The following TBC1D30 variants were observed in gnomAD, a reference collection of about 807,000 sequenced individuals.
TBC1D30 encodes TBC1 domain family, member 30.
A neutral mutation model predicts 63.2 loss-of-function variants in TBC1D30; 31 were observed. The ratio of observed to expected loss-of-function variants is 0.49; its 90% confidence interval spans 0.37 to 0.66. TBC1D30 has a LOEUF of 0.66. Ranked by LOEUF, TBC1D30 falls within the 30% of genes least tolerant of loss-of-function variation. The pLI, the probability that TBC1D30 is intolerant of heterozygous loss-of-function variation, is 0.00. For synonymous variants in TBC1D30, 307 were observed against 361.5 expected (o/e 0.85, Z 1.71); for missense variants, 810 against 953.6 (o/e 0.85, Z 1.98).
intron 9 of TBC1D30, among the ~76,000 whole-genome samples, chr12:64,866,012 G>A (rs1878182601): frequency 6.6e-6 from 1 of 152,078 alleles, no homozygotes; most frequent in African/African-American, 2.4e-5. Context: ...TGGGACCACA[G>A]GCACGTACCA....
intron 1 of TBC1D30, among the ~76,000 whole-genome samples, chr12:64,827,113 T>A (rs138932358): frequency 6.6e-6 from 1 of 152,284 alleles, no homozygotes; most frequent in African/African-American, 2.4e-5. Flanking sequence ...TTATTGATAG[T>A]ATTTGGCATT....
intron 2 of TBC1D30, among the ~76,000 whole-genome samples, chr12:64,815,405 G>A (rs1046388648): frequency 5.9e-5 from 9 of 152,122 alleles, no homozygotes; most frequent in Admixed American, 4.6e-4. Context: ...TAATAGAAAA[G>A]CAAATGTGGA....
exon 2 of TBC1D30, chr12:64,786,005 T>C (rs1357845902): frequency 7.8e-7 from 1 of 1,289,558 alleles, no homozygotes; most frequent in Non-Finnish European, 1.0e-6. Flanking sequence ...GGAACTGTGA[T>C]ATTGTGACTG....
rs574627835 is a variant in TBC1D30 at position 64,828,528 on chromosome 12, G to A, written c.282+19G>A. On this transcript the variant is annotated intron_variant, in intron 3 of 11. Coordinates refer to ENST00000539867, the MANE Select transcript of TBC1D30 (RefSeq NM_015279.2). ...GAGAAAGGTAAGGAGGACTCATAGG[G>A]CTAGAATACAGAAGGATCATCACTG... 12 of 1,509,422 alleles carry A rather than the reference G, an allele frequency of 8.0e-6. No individual in the cohort carries two copies. In the East Asian group the frequency reaches 2.0e-4, roughly 25 times the overall value. 93.5% of individuals were successfully genotyped at this position (1,509,422 alleles called of 1,614,324 possible).
chr12:64,823,708 T>C (rs145551207), upstream of TBC1D30, among the ~76,000 whole-genome samples: 1,576 of 152,308 alleles, frequency 0.01, 34 homozygotes, highest in African/African-American at 0.036. Flanking sequence ...CAAGCTGGCC[T>C]CAAACTCTTG....
chr12:64,829,186 C>G (rs1205549075), intron 3 of TBC1D30, among the ~76,000 whole-genome samples: 1 of 152,044 alleles, frequency 6.6e-6, no homozygotes, highest in Non-Finnish European at 1.5e-5. Context: ...AAGTTTTGAG[C>G]AGGGGAGTGA....
chr12:64,859,589 C>G lies in TBC1D30; in HGVS notation c.1039-5079C>G, dbSNP rs184419473. On this transcript the variant is annotated intron_variant, in intron 8 of 11. Coordinates refer to ENST00000539867, the MANE Select transcript of TBC1D30 (RefSeq NM_015279.2). ...TACTTACAAGGTGAAATTGACTGGA[C>G]TTGGCCATGGAAAAGGGATACAGGA... is the stretch of plus-strand genomic sequence containing the variant. 3.9e-5 allele frequency among the ~76,000 whole-genome samples: 6 copies of G among 152,144 alleles called. No homozygotes were observed. In the East Asian group the frequency reaches 1.2e-3, roughly 29 times the overall value.
intron 9 of TBC1D30, among the ~76,000 whole-genome samples, chr12:64,865,462 A>C (rs959238156): frequency 6.6e-6 from 1 of 152,004 alleles, no homozygotes. Context: ...AAACCTCTAT[A>C]AGTAGACTCA....
intron 8 of TBC1D30, among the ~76,000 whole-genome samples, chr12:64,861,790 G>A (rs1205817825): frequency 6.6e-6 from 1 of 152,176 alleles, no homozygotes; most frequent in African/African-American, 2.4e-5. Context: ...TGCTTGGGAA[G>A]CCTAACCCAA....
At chr12:64,831,860 G>A (rs1592606639) in intron 4 of TBC1D30, among the ~76,000 whole-genome samples, 1 of 152,026 alleles carries the variant, frequency 6.6e-6, no homozygotes, top group African/African-American at 2.4e-5. Flanking sequence ...ACTTTTTGTG[G>A]TAATCCTGGA....
intron 8 of TBC1D30, among the ~76,000 whole-genome samples, chr12:64,862,915 C>G (rs12099641): frequency 6.6e-6 from 1 of 152,086 alleles, no homozygotes. Context: ...TACCCAGCCC[C>G]TAGAGAAGGT....
chr12:64,772,727 C>G (rs1464847088), intron 1 of TBC1D30, among the ~76,000 whole-genome samples: 1 of 152,158 alleles, frequency 6.6e-6, no homozygotes, highest in East Asian at 1.9e-4. Flanking sequence ...TGCGCCTGGC[C>G]TACATCAGTT....
rs140568852 is a variant in TBC1D30, at chr12:64,838,119, C to T, written c.764-564C>T. Among the ~76,000 whole-genome samples, 1,179 of 152,076 alleles carry T rather than the reference C, an allele frequency of 7.8e-3. 20 individuals are homozygous for T. The highest frequency in any genetic ancestry group is 0.026 in the African/African-American group (1,096 of 41,476). ...TTTAGAAATTTCAAAATTTGCTGGA[C>T]GCCAGATCTTTAGTTGGAAATATTT... On this transcript the variant is annotated intron_variant, in intron 6 of 11. Transcript: ENST00000539867.
At position 64,875,194 on chromosome 12, in the gene TBC1D30, G is replaced by A. The variant is rs1209543121; in HGVS notation, c.1692G>A (p.Pro564=). 23 of 1,536,324 alleles carry A rather than the reference G, an allele frequency of 1.5e-5. No individual in the cohort carries two copies. Among genetic ancestry groups the A allele is most frequent in the Middle Eastern group, 1.7e-4 (1 of 5,990 alleles). The part of the protein sequence containing the change: ...YEDLKTKLNS[P]WRTHIRVHKK... ...ACCTTAAGACGAAGCTCAACTCCCC[G>A]TGGCGAACTCACATCCGAGTCCACA... The change falls in exon 12 of 12, where the codon CCG becomes CCA. Residue 564 remains proline, a synonymous_variant. Coordinates refer to ENST00000539867, the MANE Select transcript of TBC1D30 (RefSeq NM_015279.2).
intron 1 of TBC1D30, chr12:64,768,318 G>A (rs768681881): frequency 5.3e-5 from 8 of 151,766 alleles, no homozygotes; most frequent in East Asian, 1.9e-4. Flanking sequence ...AGTTTCTTCC[G>A]ACTTGCTTTT....
chr12:64,820,355 G>C (rs1271412713), upstream of TBC1D30, among the ~76,000 whole-genome samples: 1 of 152,096 alleles, frequency 6.6e-6, no homozygotes, highest in African/African-American at 2.4e-5. Flanking sequence ...GAAGATGCAG[G>C]GTATGCCGAA....
chr12:64,863,178 C>T (rs1386447691), intron 8 of TBC1D30, among the ~76,000 whole-genome samples: 3 of 151,908 alleles, frequency 2.0e-5, no homozygotes, highest in Non-Finnish European at 4.4e-5. Context: ...TCTACATATC[C>T]CCCACCCAAT....
chr12:64,804,039 A>T (rs1430131804), intron 2 of TBC1D30, among the ~76,000 whole-genome samples: 1 of 152,094 alleles, frequency 6.6e-6, no homozygotes, highest in Non-Finnish European at 1.5e-5. Context: ...CTGTGAAGAA[A>T]GTCATTGATG....
intron 8 of TBC1D30, among the ~76,000 whole-genome samples, chr12:64,843,823 A>G (rs1305351629): frequency 6.6e-6 from 1 of 152,178 alleles, no homozygotes; most frequent in Non-Finnish European, 1.5e-5. Context: ...AGACTGTCTC[A>G]TTCTGTCACC....
Sources: allele counts gnomAD v4.1 joint callset (sites outside exome capture counted in the v4.1 genomes callset), GRCh38; gene constraint gnomAD v4.1.1; transcripts MANE v1.5; gene names NCBI Gene and HGNC (gene_info 2026-07-23, HGNC 2026-07-21).